The following ZNF878 variants were observed in gnomAD, a reference collection of about 807,000 sequenced individuals.
ZNF878 encodes the protein zinc finger protein 878.
A neutral mutation model predicts 11.1 loss-of-function variants in ZNF878; 10 were observed. The observed-to-expected ratio is 0.90, with a 90% CI of 0.56 to 1.53. ZNF878 has a LOEUF of 1.53. Ranked by LOEUF, ZNF878 falls within the 40% of genes most tolerant of loss-of-function variation. ZNF878 has a pLI of 0.00. For synonymous variants in ZNF878, 165 were observed against 209.7 expected, an observed-to-expected ratio of 0.79 and a Z score of 1.84; for missense variants, 548 against 626.1, an observed-to-expected ratio of 0.88 and a Z score of 1.33.
At chr19:12,047,335 G>A (rs747449553) in intron 1 of ZNF878, among the ~76,000 whole-genome samples, 13 of 152,178 alleles carry the variant, frequency 8.5e-5, no homozygotes, top group Non-Finnish European at 1.3e-4. Context: ...AGGTGAAGGC[G>A]GGCGGATCGC....
rs1040521055 is a variant in ZNF878, at chr19:12,052,863, G to A, written c.-62C>T. The A allele has an allele frequency of 5.3e-5, 82 of 1,533,420 alleles. No individual in the cohort carries two copies. Among genetic ancestry groups the A allele is most frequent in the Non-Finnish European group, 6.7e-5 (77 of 1,145,526 alleles). 95.0% of individuals were successfully genotyped at this position (1,533,420 alleles called of 1,614,324 possible). ...GGTCCCGTGAACAGTGCAGGTCACAGCGCAGTCGACAGAGCAACAGCAGCT... is the reference window on the plus strand; with the variant it reads ...GGTCCCGTGAACAGTGCAGGTCACAACGCAGTCGACAGAGCAACAGCAGCT... On this transcript the variant is annotated 5_prime_UTR_variant, in exon 1 of 4. Transcript: ENST00000547628.
In ZNF878 at chr19:12,044,436, G is replaced by T. The variant is rs1568349967; in HGVS notation, c.965C>A (p.Ser322Tyr). Reference protein sequence around the residue: ...ECKLCGKGFISSTSFRYHEKT... With the variant: ...ECKLCGKGFIYSTSFRYHEKT... Reference sequence around the variant, plus strand: ...TTCATGATAGCGAAAGGAAGTGGAAGAAATAAATCCCTTACCACATAGCTT... The same window carrying T: ...TTCATGATAGCGAAAGGAAGTGGAATAAATAAATCCCTTACCACATAGCTT... The change falls in exon 4 of 4, where the codon TCT (serine) becomes TAT (tyrosine). Residue 322 changes from serine (S) to tyrosine (Y), a missense_variant. Physicochemically the swap from Ser to Tyr is moderately radical, Grantham distance 144. Transcript: ENST00000547628. 1 of 1,613,722 alleles carries T rather than the reference G, an allele frequency of 6.2e-7. No individual in the cohort carries two copies. Among genetic ancestry groups the T allele is most frequent in the East Asian group, 2.2e-5 (1 of 44,836 alleles).
intron 1 of ZNF878, among the ~76,000 whole-genome samples, chr19:12,050,217 T>G (rs975591355): frequency 2.0e-5 from 3 of 152,068 alleles, no homozygotes; most frequent in Non-Finnish European, 4.4e-5. Context: ...AGAAAGAGAC[T>G]CCGTCTCAAA....
Position 12,052,936 on chromosome 19 carries a change from T to C in ZNF878, c.-135A>G, listed in dbSNP as rs1975565897. The stretch of plus-strand genomic sequence containing the variant: ...CTCGGAGCAAGAAAGCCCCAGACCT[T>C]AACTAGCGCGAGCAGCCCTAGGAGT... On this transcript the variant is annotated 5_prime_UTR_variant, in exon 1 of 4. Coordinates refer to ENST00000547628, the MANE Select transcript of ZNF878 (RefSeq NM_001080404.3). 7.2e-7 allele frequency: 1 copy of C among 1,386,638 alleles called. No homozygotes were observed. The highest frequency in any genetic ancestry group is 2.1e-5 in the Admixed American group (1 of 46,648). The allele number at this position is 1,386,638 out of a possible 1,614,324, so 85.9% of individuals were successfully genotyped here.
At chr19:12,045,230 T>C (rs1159032685) in intron 3 of ZNF878, 21 bp from the exon 4 acceptor site, 1 of 1,537,588 alleles carries the variant, frequency 6.5e-7, no homozygotes, top group East Asian at 2.3e-5. Flanking sequence ...TGAAAGCACA[T>C]TATAATGGGT....
At chr19:12,050,917 AC>A (rs1243790723) in intron 1 of ZNF878, among the ~76,000 whole-genome samples, 1 of 150,886 alleles carries the variant, frequency 6.6e-6, no homozygotes, top group Non-Finnish European at 1.5e-5. Flanking sequence ...ACACGGTGAA[AC>A]CCCGTCTCTA....
chr19:12,046,831 A>G, intron 1 of ZNF878, 71 bp from the exon 2 acceptor site: 1 of 1,590,974 alleles, frequency 6.3e-7, no homozygotes, highest in Non-Finnish European at 8.6e-7. Flanking sequence ...CCCTATTCCT[A>G]GGAAGTTCTC....
In ZNF878 at chr19:12,046,636, A is replaced by T. The variant is rs202063807; in HGVS notation, c.128T>A (p.Ile43Lys). The T allele has an allele frequency of 1.1e-4, 178 of 1,613,910 alleles. No homozygotes were observed. The highest frequency in any genetic ancestry group is 4.2e-6 in the Non-Finnish European group (5 of 1,179,978). ...GGAAGTAATACTGTCATTCTTACCTATGGAGGTCAGGTTCCTCAAGGTTTC... is the reference window on the plus strand; with the variant it reads ...GGAAGTAATACTGTCATTCTTACCTTTGGAGGTCAGGTTCCTCAAGGTTTC... ...MQETLRNLTS[I>K]GKKWNNQYIE... is the part of the protein sequence containing the mutation. Residue 43 changes from isoleucine (I) to lysine (K), a missense_variant and splice_region_variant, in exon 2 of 4, where the codon ATA becomes AAA. Ile to Lys is a moderately radical substitution (Grantham distance 102). Around this residue, in one of 3 missense-constraint regions of ZNF878, gnomAD observed 160 missense variants for 173.3 expected, o/e 0.92. Coordinates refer to ENST00000547628, the MANE Select transcript of ZNF878 (RefSeq NM_001080404.3).
In ZNF878 at chr19:12,044,264, G is replaced by A. The variant is rs1326915764; in HGVS notation, c.1137C>T (p.Ser379=). 1.1e-5 allele frequency: 18 copies of A among 1,613,798 alleles called. No individual in the cohort carries two copies. Among genetic ancestry groups the A allele is most frequent in the South Asian group, 1.1e-5 (1 of 91,056 alleles). The change falls in exon 4 of 4, where the codon TCC becomes TCT. Residue 379 remains serine, a synonymous_variant. Transcript: ENST00000547628. ...TCCTTTCATGATAGTGAAAGGAATT[G>A]GAAGAAGTGAAGGTTTTCCCACATT... is the stretch of plus-strand genomic sequence containing the variant. ...CKQCGKTFTS[S]NSFHYHERTH...
rs142003308 is a variant in ZNF878 at position 12,047,728 on chromosome 19, C to T, written c.4-968G>A. On this transcript the variant is annotated intron_variant, in intron 1 of 3. Coordinates refer to ENST00000547628, the MANE Select transcript of ZNF878 (RefSeq NM_001080404.3). ...ATTCCAGCACTTTGGGAGGCCAAGG[C>T]GGGCAGATCACCTGATGTCAGCAGT... 2.9e-3 allele frequency among the ~76,000 whole-genome samples: 440 copies of T among 152,196 alleles called. 3 individuals are homozygous for T. The highest frequency in any genetic ancestry group is 1.0e-2 in the African/African-American group (414 of 41,522).
chr19:12,043,869 T>C lies in ZNF878; in HGVS notation c.1532A>G (p.Gln511Arg), dbSNP rs200153961. The C allele has an allele frequency of 8.0e-5, 129 of 1,613,550 alleles. No homozygotes were observed. Among genetic ancestry groups the C allele is most frequent in the Non-Finnish European group, 3.8e-5 (45 of 1,179,896 alleles). Residue 511 changes from glutamine (Q) to arginine (R), a missense_variant, in exon 4 of 4, where the codon CAA becomes CGA. Physicochemically the swap from Gln to Arg is conservative, Grantham distance 43 (BLOSUM62 1). Coordinates refer to ENST00000547628, the MANE Select transcript of ZNF878 (RefSeq NM_001080404.3). ...GGCAGATCTAAAGGCTTTACCACAT[T>C]GCTTACACTCATAGGGTTTCTCTCC... ...HTGEKPYECK[Q>R]CGKAFRSASI...
intron 1 of ZNF878, among the ~76,000 whole-genome samples, chr19:12,047,013 G>A (rs1975499259): frequency 6.6e-6 from 1 of 152,144 alleles, no homozygotes; most frequent in African/African-American, 2.4e-5. Context: ...GGTGAGTCCA[G>A]GGAGAAAGTC....
At chr19:12,047,890 T>C (rs1975510231) in intron 1 of ZNF878, among the ~76,000 whole-genome samples, 1 of 152,220 alleles carries the variant, frequency 6.6e-6, no homozygotes, top group Non-Finnish European at 1.5e-5. Context: ...ACTGGCATTA[T>C]CTTTCAAATT....
At chr19:12,051,477 T>C (rs1975551465) in intron 1 of ZNF878, among the ~76,000 whole-genome samples, 1 of 152,052 alleles carries the variant, frequency 6.6e-6, no homozygotes, top group Admixed American at 6.5e-5. Flanking sequence ...GACAGTCTCA[T>C]TCTTTCACCA....
chr19:12,052,267 C>T (rs971023449), intron 1 of ZNF878, among the ~76,000 whole-genome samples: 22 of 152,230 alleles, frequency 1.4e-4, no homozygotes, highest in African/African-American at 4.8e-4. Context: ...GAGGTCTCTC[C>T]TATTCGGCTC....
At chr19:12,049,719 G>A (rs1975532751) in intron 1 of ZNF878, among the ~76,000 whole-genome samples, 1 of 149,932 alleles carries the variant, frequency 6.7e-6, no homozygotes, top group South Asian at 2.1e-4. Flanking sequence ...GCAGTGAGCT[G>A]AACTCACGCC....
In ZNF878 at chr19:12,044,227, C is replaced by G; in HGVS notation, c.1174G>C (p.Glu392Gln). The G allele has an allele frequency of 6.2e-7, 1 of 1,614,114 alleles. No individual in the cohort carries two copies. The highest frequency in any genetic ancestry group is 1.7e-5 in the Admixed American group (1 of 60,014). Residue 392 changes from glutamate (E) to glutamine (Q), a missense_variant, in exon 4 of 4, where the codon GAG becomes CAG. Physicochemically the swap from Glu to Gln is conservative, Grantham distance 29. Around this residue, in one of 3 missense-constraint regions of ZNF878, gnomAD observed 335 missense variants for 358.2 expected, o/e 0.94. Transcript: ENST00000547628. ...FHYHERTHTG[E>Q]KPYECKQCGK... Reference sequence around the variant, plus strand: ...CATTGCTTACACTCATAGGGTTTCTCTCCAGTGTGAGTCCTTTCATGATAG... The same window carrying G: ...CATTGCTTACACTCATAGGGTTTCTGTCCAGTGTGAGTCCTTTCATGATAG...
chr19:12,049,850 A>T (rs1975533906), intron 1 of ZNF878, among the ~76,000 whole-genome samples: 1 of 152,004 alleles, frequency 6.6e-6, no homozygotes, highest in Non-Finnish European at 1.5e-5. Flanking sequence ...AAAGAAACAC[A>T]CCAGAACTGC....
At position 12,045,225 on chromosome 19, in the gene ZNF878, G is replaced by C; in HGVS notation, c.192-16C>G. On this transcript the variant is annotated splice_polypyrimidine_tract_variant and intron_variant, in intron 3 of 3. Transcript: ENST00000547628. Reference sequence around the variant, plus strand: ...TATAAGTCTTCTGTGAACAATGAAAGCACATTATAATGGGTTTATCACTAA... The same window carrying C: ...TATAAGTCTTCTGTGAACAATGAAACCACATTATAATGGGTTTATCACTAA... 6.4e-7 allele frequency: 1 copy of C among 1,564,708 alleles called. No individual in the cohort carries two copies. Among genetic ancestry groups the C allele is most frequent in the Admixed American group, 1.9e-5 (1 of 51,750 alleles).
Sources: allele counts gnomAD v4.1 joint callset (sites outside exome capture counted in the v4.1 genomes callset), GRCh38; gene constraint gnomAD v4.1.1; regional missense constraint gnomAD v4.1.1; transcripts MANE v1.5; gene names NCBI Gene and HGNC (gene_info 2026-07-23, HGNC 2026-07-21).